TMEM131: variants seen among roughly 807,000 people sequenced by gnomAD.
The protein encoded by TMEM131 is 2610524E03Rik.
In TMEM131, 66 loss-of-function variants were observed where a neutral mutation model predicts 211.6. That is an observed-to-expected ratio of 0.31 (90% CI 0.26 to 0.38). TMEM131 has a LOEUF of 0.38. Ranked by LOEUF, TMEM131 falls within the 10% of genes least tolerant of loss-of-function variation. The pLI is 1.00. For synonymous variants in TMEM131, 844 were observed against 841.3 expected (o/e 1.00, Z -0.06); for missense variants, 2,036 against 2,299.3 (o/e 0.89, Z 2.34).
intron 4 of TMEM131, among the ~76,000 whole-genome samples, chr2:97,873,679 A>G (rs1674579703): frequency 6.6e-6 from 1 of 152,234 alleles, no homozygotes; most frequent in South Asian, 2.1e-4. Flanking sequence ...GAAAACTAAC[A>G]GAAAGGAATA....
At chr2:97,988,567 T>C (rs1415617933) in intron 1 of TMEM131, among the ~76,000 whole-genome samples, 2 of 152,148 alleles carry the variant, frequency 1.3e-5, no homozygotes, top group East Asian at 1.9e-4. Flanking sequence ...GGAACTCCTA[T>C]AACTCAACAA....
At chr2:97,900,692 CTT>C (rs1436736089) in intron 3 of TMEM131, among the ~76,000 whole-genome samples, 1 of 151,958 alleles carries the variant, frequency 6.6e-6, no homozygotes, top group Non-Finnish European at 1.5e-5. Flanking sequence ...GCAGCTATCT[CTT>C]TGACATAATT....
intron 1 of TMEM131, among the ~76,000 whole-genome samples, chr2:97,938,855 G>C (rs1677575432): frequency 1.3e-5 from 2 of 152,144 alleles, no homozygotes; most frequent in Non-Finnish European, 2.9e-5. Flanking sequence ...AATCAAACTA[G>C]AACTCAGGAT....
At chr2:97,770,276 C>T (rs535401563) in intron 33 of TMEM131, among the ~76,000 whole-genome samples, 43 of 152,222 alleles carry the variant, frequency 2.8e-4, no homozygotes, top group African/African-American at 1.0e-3. Context: ...GATTGATGAA[C>T]TAATAAATTC....
chr2:97,820,561 C>T (rs1366929493), intron 11 of TMEM131, among the ~76,000 whole-genome samples: 1 of 152,006 alleles, frequency 6.6e-6, no homozygotes, highest in Non-Finnish European at 1.5e-5. Context: ...TTTTTCCCAC[C>T]TGTAAAAAAA....
chr2:97,767,030 A>C (rs949856080), intron 33 of TMEM131, among the ~76,000 whole-genome samples: 2 of 152,138 alleles, frequency 1.3e-5, no homozygotes, highest in East Asian at 1.9e-4. Context: ...ATTTTGAAAG[A>C]TCTCACATCT....
Position 97,945,173 on chromosome 2 carries a change from G to A in TMEM131, c.188-17686C>T, listed in dbSNP as rs1604660. Among the ~76,000 whole-genome samples the A allele has an allele frequency of 5.2e-3, 789 of 152,248 alleles. 2 individuals are homozygous for A. Among genetic ancestry groups the A allele is most frequent in the Non-Finnish European group, 7.2e-3 (490 of 67,994 alleles). On this transcript the variant is annotated intron_variant, in intron 1 of 40. Transcript: ENST00000186436. ...AAGTACTGACACAAAGCTCACAGAT[G>A]AATCTTGAGGACTAATGCTAAGTGA...
intron 1 of TMEM131, among the ~76,000 whole-genome samples, chr2:97,938,661 G>C (rs11675996): frequency 0.75 from 114,227 of 151,982 alleles, 44,611 homozygotes; most frequent in African/African-American, 0.87. Flanking sequence ...TTGAACTCAG[G>C]TCTGCACCAA....
chr2:97,989,288 AAAAG>A (rs1246259422), intron 1 of TMEM131, among the ~76,000 whole-genome samples: 1 of 152,122 alleles, frequency 6.6e-6, no homozygotes, highest in East Asian at 1.9e-4. Context: ...AAAAAAAAAA[AAAAG>A]GAAGGAACTG....
chr2:97,929,660 T>G (rs977692755), intron 1 of TMEM131, among the ~76,000 whole-genome samples: 2 of 151,870 alleles, frequency 1.3e-5, no homozygotes, highest in Non-Finnish European at 2.9e-5. Flanking sequence ...ACTCCTGTCC[T>G]CCATTTCCTG....
intron 2 of TMEM131, among the ~76,000 whole-genome samples, chr2:97,927,013 G>GA (rs1677018625): frequency 6.6e-6 from 1 of 152,086 alleles, no homozygotes; most frequent in South Asian, 2.1e-4. Flanking sequence ...TAAAGAACTA[G>GA]AAAAAAGAGA....
chr2:97,949,233 T>A (rs1327864184), intron 1 of TMEM131, among the ~76,000 whole-genome samples: 3 of 152,128 alleles, frequency 2.0e-5, no homozygotes, highest in Admixed American at 2.0e-4. Flanking sequence ...AAAATAATCA[T>A]GCTGAGTGAA....
intron 5 of TMEM131, among the ~76,000 whole-genome samples, chr2:97,848,618 A>G (rs1265690657): frequency 6.6e-6 from 1 of 152,104 alleles, no homozygotes; most frequent in Non-Finnish European, 1.5e-5. Context: ...TCAGTACAGA[A>G]GCACTATTTT....
At chr2:97,887,424 A>G (rs968384951) in intron 4 of TMEM131, among the ~76,000 whole-genome samples, 2 of 152,216 alleles carry the variant, frequency 1.3e-5, no homozygotes, top group Non-Finnish European at 2.9e-5. Context: ...GGGCAGGCCA[A>G]GGAAATATCT....
At chr2:97,899,509 A>G (rs558556325) in intron 3 of TMEM131, among the ~76,000 whole-genome samples, 22 of 152,252 alleles carry the variant, frequency 1.4e-4, no homozygotes, top group African/African-American at 4.8e-4. Context: ...ACACATAATT[A>G]AAGACAAACT....
chr2:97,843,088 G>C (rs1277650134), intron 6 of TMEM131, among the ~76,000 whole-genome samples: 2 of 134,130 alleles, frequency 1.5e-5, no homozygotes, highest in South Asian at 2.2e-4. Flanking sequence ...AAAAAGCACA[G>C]GAACTGTAAA....
intron 1 of TMEM131, among the ~76,000 whole-genome samples, chr2:97,934,698 GAAAC>G (rs1348759439): frequency 6.6e-6 from 1 of 152,140 alleles, no homozygotes; most frequent in Non-Finnish European, 1.5e-5. Flanking sequence ...AGAACACCTA[GAAAC>G]AGAACCATAT....
chr2:97,762,388 G>A, intron 35 of TMEM131, 188 bp from the exon 36 acceptor site: 1 of 558,926 alleles, frequency 1.8e-6, no homozygotes, highest in South Asian at 2.1e-5. Flanking sequence ...CTGCACTCGG[G>A]GATTTGAGGG....
At chr2:97,989,237 T>C (rs1304936500) in intron 1 of TMEM131, among the ~76,000 whole-genome samples, 1 of 151,434 alleles carries the variant, frequency 6.6e-6, no homozygotes, top group African/African-American at 2.4e-5. Flanking sequence ...TGTTCAATGG[T>C]TGTAAATAAA....
Sources: gnomAD v4.1 joint callset for allele counts (sites outside exome capture counted in the v4.1 genomes callset) on GRCh38, gnomAD v4.1.1 for gene constraint, MANE v1.5 for transcripts, NCBI Gene and HGNC (gene_info 2026-07-23, HGNC 2026-07-21) for gene names.